ZNF710: variants seen among roughly 807,000 people sequenced by gnomAD.
ZNF710 encodes the protein zinc finger protein 710.
A neutral mutation model predicts 50.6 loss-of-function variants in ZNF710; 13 were observed. That is an observed-to-expected ratio of 0.26 (90% CI 0.17 to 0.41). The LOEUF (loss-of-function observed/expected upper bound fraction) is 0.41. Among genes scored for constraint, ZNF710 ranks in the 10% least tolerant of loss-of-function variants. ZNF710 has a pLI of 1.00. For missense variants in ZNF710, 721 were observed against 936.6 expected (o/e 0.77, Z 3.01); for synonymous variants, 383 against 397.0 (o/e 0.96, Z 0.42).
At chr15:90,046,769 C>T (rs59030579) in intron 1 of ZNF710, among the ~76,000 whole-genome samples, 7,347 of 152,248 alleles carry the variant, frequency 0.048, 464 homozygotes, top group African/African-American at 0.14. Flanking sequence ...AAAGGCTGTC[C>T]TCCCTCTGAG....
intron 4 of ZNF710, among the ~76,000 whole-genome samples, chr15:90,077,590 T>C (rs1387339565): frequency 6.6e-6 from 1 of 151,952 alleles, no homozygotes. Flanking sequence ...CTGTGTAACA[T>C]GAGGGTGTGG....
chr15:89,998,527 TC>T (rs953194557), upstream of ZNF710, among the ~76,000 whole-genome samples: 2 of 152,162 alleles, frequency 1.3e-5, no homozygotes, highest in Non-Finnish European at 2.9e-5. Flanking sequence ...AAGGAATGCT[TC>T]CCCCTCAGTC....
chr15:90,025,303 G>C (rs927909262), intron 1 of ZNF710: 1 of 152,146 alleles, frequency 6.6e-6, no homozygotes, highest in African/African-American at 2.4e-5. Context: ...TGGCCAGGGG[G>C]AGTTTTGCAG....
At chr15:90,032,943 G>A (rs577038523) in intron 1 of ZNF710, among the ~76,000 whole-genome samples, 1 of 152,226 alleles carries the variant, frequency 6.6e-6, no homozygotes, top group African/African-American at 2.4e-5. Flanking sequence ...TGAAATTTGA[G>A]GCTCTGTGGC....
rs540372785 is a variant in ZNF710, at chr15:90,043,934, C to G, written c.-28-23176C>G. The stretch of plus-strand genomic sequence containing the variant: ...TTTTTTTCCCCTCTTGCCTCTCTCT[C>G]TCCCTTTTAAATTTCTTTTTTCTTT... On this transcript the variant is annotated intron_variant, in intron 1 of 4. Transcript: ENST00000268154. Among the ~76,000 whole-genome samples the G allele has an allele frequency of 1.6e-3, 250 of 152,118 alleles. 1 individual carries two copies. The highest frequency in any genetic ancestry group is 5.6e-3 in the African/African-American group (234 of 41,480).
In ZNF710 at chr15:90,026,666, A is replaced by G. The variant is rs1338223477; in HGVS notation, c.-29+25052A>G. On this transcript the variant is annotated intron_variant, in intron 1 of 4. Transcript: ENST00000268154. ...GGTAGGAAATAGAATTCAATAATATATTAAACAAGTCATCCACCATAACCC... is the reference window on the plus strand; with the variant it reads ...GGTAGGAAATAGAATTCAATAATATGTTAAACAAGTCATCCACCATAACCC... 2.0e-5 allele frequency among the ~76,000 whole-genome samples: 3 copies of G among 152,226 alleles called. No homozygotes were observed. The East Asian group carries it at 5.8e-4, about 29-fold the overall frequency.
In ZNF710 at chr15:90,068,246, T is replaced by C; in HGVS notation, c.1109T>C (p.Met370Thr). Residue 370 changes from methionine (M) to threonine (T), a missense_variant, in exon 2 of 5, where the codon ATG (methionine) becomes ACG (threonine). Transcript: ENST00000268154. This position sits in a 1 kb window ranked among gnomAD's most constrained non-coding sequence, Gnocchi z 5.0. Reference protein sequence around the residue: ...FTQTSHLKRHMLLHSEVKPYS... With the variant: ...FTQTSHLKRHTLLHSEVKPYS... ...CAGACCAGCCACCTCAAGCGCCACA[T>C]GCTGCTGCACTCGGAGGTCAAGCCC... The C allele has an allele frequency of 6.2e-7, 1 of 1,613,514 alleles. No individual in the cohort carries two copies. Among genetic ancestry groups the C allele is most frequent in the Non-Finnish European group, 8.5e-7 (1 of 1,179,992 alleles).
chr15:90,077,714 G>A (rs541270465), intron 4 of ZNF710, among the ~76,000 whole-genome samples: 2 of 152,272 alleles, frequency 1.3e-5, no homozygotes, highest in Admixed American at 1.3e-4. Flanking sequence ...ACAAGTAACA[G>A]ATACCCATTC....
At chr15:90,043,881 C>G (rs1003556510) in intron 1 of ZNF710, among the ~76,000 whole-genome samples, 4 of 152,122 alleles carry the variant, frequency 2.6e-5, no homozygotes, top group African/African-American at 4.8e-5. Context: ...CTCTTTTTTC[C>G]CCTTTTTCTT....
intron 1 of ZNF710, chr15:90,045,409 A>G: frequency 2.0e-6 from 2 of 985,294 alleles, no homozygotes; most frequent in Non-Finnish European, 2.4e-6. Flanking sequence ...CCGTCTGGGA[A>G]CTGTTGCGGA....
chr15:90,034,177 GAC>G lies in ZNF710; in HGVS notation c.-29+32565_-29+32566del, dbSNP rs1899034041. Among the ~76,000 whole-genome samples, 2 of 151,600 alleles carry G rather than the reference GAC, an allele frequency of 1.3e-5. No individual in the cohort carries two copies. The highest frequency in any genetic ancestry group is 4.9e-5 in the African/African-American group (2 of 41,170). ...CGCATCATTGTACTCCAGCCTGGGT[GAC>G]AGAGTGAGACTCTGTCTCAAAAAAA... On this transcript the variant is annotated intron_variant, in intron 1 of 4. Transcript: ENST00000268154. This position sits in a 1 kb window ranked among gnomAD's most constrained non-coding sequence, Gnocchi z 4.0.
chr15:90,005,777 A>G (rs12324904), intron 1 of ZNF710, among the ~76,000 whole-genome samples: 18,028 of 152,186 alleles, frequency 0.12, 2,402 homozygotes, highest in African/African-American at 0.33. Flanking sequence ...TTGGACTCAG[A>G]ATATAGGGAG....
At chr15:90,078,294 G>C (rs1186592495) in intron 4 of ZNF710, among the ~76,000 whole-genome samples, 4 of 152,062 alleles carry the variant, frequency 2.6e-5, no homozygotes, top group African/African-American at 9.6e-5. Flanking sequence ...CTTGCCAACA[G>C]TGACATCAGG....
At chr15:90,066,254 C>A (rs543238985) in intron 1 of ZNF710, among the ~76,000 whole-genome samples, 1 of 152,112 alleles carries the variant, frequency 6.6e-6, no homozygotes, top group South Asian at 2.1e-4. Flanking sequence ...CATACGTTCT[C>A]GTTCATACAG....
At chr15:90,061,295 C>G (rs1305715086) in intron 1 of ZNF710, among the ~76,000 whole-genome samples, 1 of 152,116 alleles carries the variant, frequency 6.6e-6, no homozygotes, top group Non-Finnish European at 1.5e-5. Context: ...CTCAGCCTCC[C>G]AAATATCTGG....
At position 90,068,893 on chromosome 15, in the gene ZNF710, G is replaced by A. The variant is rs1900281706; in HGVS notation, c.1458+298G>A. Reference sequence around the variant, plus strand: ...AGATTGCTTGAGTCCTGGGGTTTGAGACCAGCCTGGGCAAAATAATGAGAC... The same window carrying A: ...AGATTGCTTGAGTCCTGGGGTTTGAAACCAGCCTGGGCAAAATAATGAGAC... On this transcript the variant is annotated intron_variant, in intron 2 of 4. Coordinates refer to ENST00000268154, the MANE Select transcript of ZNF710 (RefSeq NM_198526.4). This position sits in a 1 kb window ranked among gnomAD's most constrained non-coding sequence, Gnocchi z 5.0. 6.6e-6 allele frequency among the ~76,000 whole-genome samples: 1 copy of A among 152,080 alleles called. No homozygotes were observed. Among genetic ancestry groups the A allele is most frequent in the Admixed American group, 6.6e-5 (1 of 15,242 alleles).
chr15:90,067,603 G>T lies in ZNF710; in HGVS notation c.466G>T (p.Val156Phe). The T allele has an allele frequency of 6.2e-7, 1 of 1,610,818 alleles. No homozygotes were observed. The highest frequency in any genetic ancestry group is 8.5e-7 in the Non-Finnish European group (1 of 1,178,730). ...CGACGCCCTGGTGCAGAGCAGCGCC[G>T]TCAAGATGATCGACCTCAGCGCCTT... ...GCDALVQSSA[V>F]KMIDLSAFSR... Residue 156 changes from valine (V) to phenylalanine (F), a missense_variant, in exon 2 of 5, where the codon GTC becomes TTC. Val to Phe is a conservative substitution (Grantham distance 50). Around this residue, in one of 3 missense-constraint regions of ZNF710, gnomAD observed 326 missense variants for 347.1 expected, o/e 0.94. Coordinates refer to ENST00000268154, the MANE Select transcript of ZNF710 (RefSeq NM_198526.4). This position sits in a 1 kb window ranked among gnomAD's most constrained non-coding sequence, Gnocchi z 8.1.
chr15:90,010,425 A>G (rs1203347851), intron 1 of ZNF710, among the ~76,000 whole-genome samples: 1 of 152,070 alleles, frequency 6.6e-6, no homozygotes, highest in East Asian at 1.9e-4. Flanking sequence ...AGTAGCTGGG[A>G]CCACAGGCAT....
Position 90,034,394 on chromosome 15 carries a change from G to A in ZNF710, c.-28-32716G>A, listed in dbSNP as rs532027596. Among the ~76,000 whole-genome samples, 10 of 151,540 alleles carry A rather than the reference G, an allele frequency of 6.6e-5. No homozygotes were observed. The East Asian group carries it at 1.9e-3, about 29-fold the overall frequency. On this transcript the variant is annotated intron_variant, in intron 1 of 4. Coordinates refer to ENST00000268154, the MANE Select transcript of ZNF710 (RefSeq NM_198526.4). This position sits in a 1 kb window ranked among gnomAD's most constrained non-coding sequence, Gnocchi z 4.0. ...AAGTGGATTGCATTGTGGGTCCCCAGAAGTTGCCAGCTGTCCTTCCTGTTT... is the reference window on the plus strand; with the variant it reads ...AAGTGGATTGCATTGTGGGTCCCCAAAAGTTGCCAGCTGTCCTTCCTGTTT...
Sources: allele counts gnomAD v4.1 joint callset (sites outside exome capture counted in the v4.1 genomes callset), GRCh38; gene constraint gnomAD v4.1.1; regional missense constraint gnomAD v4.1.1; non-coding constraint Gnocchi (gnomAD v3.1); transcripts MANE v1.5; gene names NCBI Gene and HGNC (gene_info 2026-07-23, HGNC 2026-07-21).